LYPD3: variants seen among roughly 807,000 people sequenced by gnomAD.
LYPD3 encodes ly6/PLAUR domain-containing protein 3.
LYPD3 carries 22 observed loss-of-function variants against 21.7 expected under a neutral mutation model. The ratio of observed to expected loss-of-function variants is 1.01; its 90% CI spans 0.72 to 1.45. The LOEUF is 1.45. LYPD3 is among the 40% of genes most tolerant of loss of function. LYPD3 has a pLI of 0.00. For missense variants in LYPD3, 471 were observed against 466.9 expected, an observed-to-expected ratio of 1.01 and a Z score of -0.08; for synonymous variants, 179 against 203.0, an observed-to-expected ratio of 0.88 and a Z score of 1.00.
intron 1 of LYPD3, among the ~76,000 whole-genome samples, chr19:43,464,949 G>C (rs1384688477): frequency 1.6e-5 from 1 of 62,136 alleles, no homozygotes; most frequent in Non-Finnish European, 3.4e-5. Context: ...TTTTTTTTTT[G>C]AGACGGAGTC....
At position 43,461,053 on chromosome 19, in the gene LYPD3, G is replaced by A. The variant is rs192006535; in HGVS notation, c.*298C>T. The stretch of plus-strand genomic sequence containing the variant: ...TAGCATCCTCTCTCTCACCTTCCCC[G>A]TGACAGCTGACTTCTCTCACTCTGT... On this transcript the variant is annotated 3_prime_UTR_variant, in exon 5 of 5. Transcript: ENST00000244333. 1.5e-4 allele frequency: 50 copies of A among 324,456 alleles called. No homozygotes were observed. In the Admixed American group the frequency reaches 1.6e-3, roughly 11 times the overall value. 20.1% of individuals were successfully genotyped at this position (324,456 alleles called of 1,614,324 possible).
chr19:43,461,625 G>T lies in LYPD3; in HGVS notation c.767C>A (p.Thr256Asn). 1 of 1,614,178 alleles carries T rather than the reference G, an allele frequency of 6.2e-7. No individual in the cohort carries two copies. Among genetic ancestry groups the T allele is most frequent in the South Asian group, 1.1e-5 (1 of 91,088 alleles). ...TCTCACTGGGGCCGAGGTAGAAGTG[G>T]TGACAGATGTGGTTGAGGCCACAGT... ...PTTVASTTSV[T>N]TSTSAPVRPT... The change falls in exon 5 of 5, where the codon ACC (threonine) becomes AAC (asparagine). Residue 256 changes from threonine (T) to asparagine (N), a missense_variant. Thr to Asn is a moderately conservative substitution (Grantham distance 65). Transcript: ENST00000244333.
rs897262904 is a variant in LYPD3, at chr19:43,461,075, C to G, written c.*276G>C. ...CCCGTGACAGCTGACTTCTCTCACT[C>G]TGTCCTAACATCACAAGAGGACAAG... On this transcript the variant is annotated 3_prime_UTR_variant, in exon 5 of 5. Transcript: ENST00000244333. The G allele has an allele frequency of 5.9e-5, 23 of 392,904 alleles. No individual in the cohort carries two copies. In the East Asian group the frequency reaches 8.8e-4, roughly 15 times the overall value. The allele number at this position is 392,904 out of a possible 1,614,324, so 24.3% of individuals were successfully genotyped here.
At chr19:43,463,411 GC>G in intron 3 of LYPD3, 124 bp from the exon 4 acceptor site, 6 of 1,372,930 alleles carry the variant, frequency 4.4e-6, no homozygotes, top group Non-Finnish European at 6.0e-6. Flanking sequence ...TAGTAGCCCC[GC>G]CCCAGCGCGC....
chr19:43,461,212 A>T lies in LYPD3; in HGVS notation c.*139T>A. On this transcript the variant is annotated 3_prime_UTR_variant, in exon 5 of 5. Transcript: ENST00000244333. ...TCCCAAAGCCGCAAACCAGCGCAGC[A>T]GAAGCTGGGGATACTGGGGAATGTT... 1 of 1,034,458 alleles carries T rather than the reference A, an allele frequency of 9.7e-7. No individual in the cohort carries two copies. The highest frequency in any genetic ancestry group is 1.4e-6 in the Non-Finnish European group (1 of 723,760). 64.1% of individuals were successfully genotyped at this position (1,034,458 alleles called of 1,614,324 possible). A position where few individuals can be genotyped will look rare whatever the true frequency, so the allele number is the denominator to read the frequency against.
rs993096113 is a variant in LYPD3, at chr19:43,461,873, C to T, written c.545-26G>A. ...CTGCAGGAAGGAGACACAGATAGGTCAGTGGCTGGAGGGAGAGAGGTTGAC... is the reference window on the plus strand; with the variant it reads ...CTGCAGGAAGGAGACACAGATAGGTTAGTGGCTGGAGGGAGAGAGGTTGAC... On this transcript the variant is annotated intron_variant, in intron 4 of 4. Coordinates refer to ENST00000244333, the MANE Select transcript of LYPD3 (RefSeq NM_014400.3). 11 of 1,590,002 alleles carry T rather than the reference C, an allele frequency of 6.9e-6. No homozygotes were observed. The African/African-American group carries it at 1.2e-4, about 17-fold the overall frequency.
Position 43,465,561 on chromosome 19 carries a change from G to A in LYPD3, c.11C>T (p.Ala4Val), listed in dbSNP as rs200130720. 62 of 1,610,152 alleles carry A rather than the reference G, an allele frequency of 3.9e-5. No individual in the cohort carries two copies. The South Asian group carries it at 6.5e-4, about 17-fold the overall frequency. ...CATGGCCTGGGCACCTGCTTTCCTG[G>A]CGGGGTCCATGGCTCCGTCCTGCTC... is the stretch of plus-strand genomic sequence containing the variant. Reference protein sequence around the residue: MDPARKAGAQAMIW... With the variant: MDPVRKAGAQAMIW... Residue 4 changes from alanine (A) to valine (V), a missense_variant, in exon 1 of 5, where the codon GCC (alanine) becomes GTC (valine). Transcript: ENST00000244333.
At chr19:43,464,017 G>A (rs1034481252) in intron 2 of LYPD3, 5 of 615,474 alleles carry the variant, frequency 8.1e-6, no homozygotes, top group Non-Finnish European at 1.4e-5. Flanking sequence ...GAGACAGCCT[G>A]GTTGACAGGC....
chr19:43,465,528 G>A lies in LYPD3; in HGVS notation c.44C>T (p.Thr15Ile). The A allele has an allele frequency of 2.5e-6, 4 of 1,610,646 alleles. No homozygotes were observed. Among genetic ancestry groups the A allele is most frequent in the Non-Finnish European group, 3.4e-6 (4 of 1,180,006 alleles). The change falls in exon 1 of 5, where the codon ACT (threonine) becomes ATT (isoleucine). Residue 15 changes from threonine to isoleucine, a missense_variant. Physicochemically the swap from Thr to Ile is moderately conservative, Grantham distance 89 (BLOSUM62 -1). Transcript: ENST00000244333. Reference sequence around the variant, plus strand: ...CAGCAGCAGCAGCAGCCAGCCTGCAGTCCAGATCATGGCCTGGGCACCTGC... The same window carrying A: ...CAGCAGCAGCAGCAGCCAGCCTGCAATCCAGATCATGGCCTGGGCACCTGC... ...RKAGAQAMIW[T>I]AGWLLLLLLR...
chr19:43,461,714 G>A lies in LYPD3; in HGVS notation c.678C>T (p.Arg226=). 6.2e-7 allele frequency: 1 copy of A among 1,614,152 alleles called. No individual in the cohort carries two copies. Among genetic ancestry groups the A allele is most frequent in the South Asian group, 1.1e-5 (1 of 91,082 alleles). Residue 226 remains arginine (R), a synonymous_variant, in exon 5 of 5, where the codon CGC becomes CGT. Transcript: ENST00000244333. ...CQGSRCNSDL[R]NKTYFSPRIP... ...TTCGAGGGGAGAAGTAGGTCTTGTT[G>A]CGGAGGTCAGAGTTACAGCGGGACC...
chr19:43,463,225 C>T lies in LYPD3; in HGVS notation c.445G>A (p.Glu149Lys), dbSNP rs747407582. 1 of 1,608,580 alleles carries T rather than the reference C, an allele frequency of 6.2e-7. No individual in the cohort carries two copies. The highest frequency in any genetic ancestry group is 8.5e-7 in the Non-Finnish European group (1 of 1,179,990). ...GGCGGCGATGTACCCTGGCACGCCT[C>T]CCGGCTCAGGCCCACACAGCTGTAG... ...ECYSCVGLSR[E>K]ACQGTSPPVV... Residue 149 changes from glutamate to lysine, a missense_variant, in exon 4 of 5, where the codon GAG (glutamate) becomes AAG (lysine). By Grantham distance (56) the Glu-to-Lys change is moderately conservative (BLOSUM62 1). Coordinates refer to ENST00000244333, the MANE Select transcript of LYPD3 (RefSeq NM_014400.3).
chr19:43,464,069 A>T (rs1970800389), intron 2 of LYPD3: 1 of 620,488 alleles, frequency 1.6e-6, no homozygotes, highest in Non-Finnish European at 2.8e-6. Flanking sequence ...AAAAGTGCAT[A>T]GGACGTGACC....
At chr19:43,461,973 TC>T in intron 4 of LYPD3, 126 bp from the exon 5 acceptor site, 1 of 958,538 alleles carries the variant, frequency 1.0e-6, no homozygotes, top group Non-Finnish European at 1.5e-6. Flanking sequence ...ACGCCTGTAA[TC>T]CCAGCACTTT....
intron 2 of LYPD3, 117 bp from the exon 3 acceptor site, chr19:43,463,886 C>T: frequency 9.7e-7 from 1 of 1,032,508 alleles, no homozygotes. Context: ...ACCACAGGAC[C>T]GACAGGCAGG....
intron 4 of LYPD3, among the ~76,000 whole-genome samples, chr19:43,462,745 C>T (rs1970785676): frequency 6.6e-6 from 1 of 152,216 alleles, no homozygotes; most frequent in Non-Finnish European, 1.5e-5. Context: ...ACTTCATTTT[C>T]CATGGTTACA....
In LYPD3 at chr19:43,461,283, A is replaced by G. The variant is rs1599921444; in HGVS notation, c.*68T>C. 1 of 1,468,868 alleles carries G rather than the reference A, an allele frequency of 6.8e-7. No homozygotes were observed. Among genetic ancestry groups the G allele is most frequent in the Admixed American group, 2.5e-5 (1 of 40,442 alleles). The allele number at this position is 1,468,868 out of a possible 1,614,324, so 91.0% of individuals were successfully genotyped here. ...AGCCCAGTCCAGTGGTGGGAACAGG[A>G]AGTGATGAGAAGAGGGGTACCCAGG... On this transcript the variant is annotated 3_prime_UTR_variant, in exon 5 of 5. Coordinates refer to ENST00000244333, the MANE Select transcript of LYPD3 (RefSeq NM_014400.3).
chr19:43,465,070 A>C (rs2122419512), intron 1 of LYPD3, among the ~76,000 whole-genome samples: 1 of 151,778 alleles, frequency 6.6e-6, no homozygotes, highest in Non-Finnish European at 1.5e-5. Flanking sequence ...CTGGGACTAC[A>C]GGCTCGCGCT....
Position 43,465,386 on chromosome 19 carries a change from G to A in LYPD3, c.79+107C>T, listed in dbSNP as rs562471858. 4.6e-6 allele frequency: 6 copies of A among 1,315,352 alleles called. No individual in the cohort carries two copies. In the African/African-American group the frequency reaches 8.7e-5, roughly 19 times the overall value. 81.5% of individuals were successfully genotyped at this position (1,315,352 alleles called of 1,614,324 possible). On this transcript the variant is annotated intron_variant, in intron 1 of 4. Coordinates refer to ENST00000244333, the MANE Select transcript of LYPD3 (RefSeq NM_014400.3). ...GGGAACTTTGCCCACAGTGCCCTCT[G>A]CTTATGTGGGGATCCTTCCCACAGC...
chr19:43,464,128 C>G lies in LYPD3; in HGVS notation c.211+197G>C, dbSNP rs984916179. The G allele has an allele frequency of 7.6e-6, 6 of 789,488 alleles. No individual in the cohort carries two copies. In the African/African-American group the frequency reaches 1.0e-4, roughly 14 times the overall value. The allele number at this position is 789,488 out of a possible 1,614,324, so 48.9% of individuals were successfully genotyped here. On this transcript the variant is annotated intron_variant, in intron 2 of 4. Transcript: ENST00000244333. ...CGTCCGCCCCACCCAGTTCTCAACT[C>G]TCTGCTCCTCGCGCTTGTAATTGTT...
Sources: allele counts gnomAD v4.1 joint callset (sites outside exome capture counted in the v4.1 genomes callset), GRCh38; gene constraint gnomAD v4.1.1; transcripts MANE v1.5; gene names NCBI Gene and HGNC (gene_info 2026-07-23, HGNC 2026-07-21).